Variants in CDH18 observed in about 807,000 individuals in gnomAD.
The protein encoded by CDH18 is cadherin 18.
A neutral mutation model predicts 67.9 loss-of-function variants in CDH18; 31 were observed. The ratio of observed to expected loss-of-function variants is 0.46; its 90% CI spans 0.34 to 0.62. CDH18 has a LOEUF of 0.62. Among genes scored for constraint, CDH18 ranks in the 20% least tolerant of loss-of-function variants. The probability of loss-of-function intolerance (pLI) is 0.01; values close to 1 mark genes in which losing one functional copy is unlikely to be tolerated. For missense variants in CDH18, 890 were observed against 975.5 expected, an observed-to-expected ratio of 0.91 and a Z score of 1.17; for synonymous variants, 362 against 347.2, an observed-to-expected ratio of 1.04 and a Z score of -0.48.
chr5:19,999,581 AAAAAG>A (rs1379556447), intron 2 of CDH18, among the ~76,000 whole-genome samples: 7 of 152,170 alleles, frequency 4.6e-5, no homozygotes, highest in Non-Finnish European at 1.0e-4. Context: ...CAGGCTGGGC[AAAAAG>A]AATGAAACTC....
chr5:19,527,599 T>A (rs982861706), intron 9 of CDH18, among the ~76,000 whole-genome samples: 9 of 151,778 alleles, frequency 5.9e-5, no homozygotes, highest in African/African-American at 2.2e-4. Flanking sequence ...TTCTGTGAAT[T>A]TTATGCAACA....
intron 1 of CDH18, among the ~76,000 whole-genome samples, chr5:20,463,721 G>A (rs971057900): frequency 3.3e-5 from 5 of 152,134 alleles, no homozygotes; most frequent in Admixed American, 6.6e-5. Context: ...CAGCCAAACC[G>A]TTAATACGGG....
At chr5:19,896,038 G>C (rs1789292201) in intron 2 of CDH18, among the ~76,000 whole-genome samples, 1 of 151,852 alleles carries the variant, frequency 6.6e-6, no homozygotes. Context: ...GGTCCTTGCA[G>C]ATATGGTTAA....
chr5:19,549,772 G>A (rs571049121), intron 8 of CDH18, among the ~76,000 whole-genome samples: 3 of 101,466 alleles, frequency 3.0e-5, no homozygotes, highest in South Asian at 3.2e-4. Context: ...GAAAAAGAAA[G>A]AAAGAAAGGA....
At chr5:19,598,512 A>G (rs1283069540) in intron 6 of CDH18, among the ~76,000 whole-genome samples, 15 of 152,174 alleles carry the variant, frequency 9.9e-5, no homozygotes, top group Admixed American at 9.8e-4. Context: ...AGAAGGACAT[A>G]GGAAACTGAA....
At chr5:20,304,599 T>A in intron 1 of CDH18, 1 of 1,612,072 alleles carries the variant, frequency 6.2e-7, no homozygotes, top group Admixed American at 1.7e-5. Context: ...CAGAGCTTAA[T>A]GAGCCCAAAA....
intron 2 of CDH18, among the ~76,000 whole-genome samples, chr5:20,156,562 T>C (rs939751877): frequency 2.0e-5 from 3 of 151,892 alleles, no homozygotes; most frequent in Admixed American, 2.0e-4. Flanking sequence ...TAATAGACAA[T>C]GGGGACTCCA....
At chr5:19,486,037 A>G (rs572667836) in intron 11 of CDH18, among the ~76,000 whole-genome samples, 9 of 152,322 alleles carry the variant, frequency 5.9e-5, no homozygotes, top group African/African-American at 2.2e-4. Context: ...AATCTCTAAG[A>G]CATAAGGACA....
At chr5:19,871,706 A>G (rs1215845241) in intron 2 of CDH18, among the ~76,000 whole-genome samples, 1 of 152,158 alleles carries the variant, frequency 6.6e-6, no homozygotes, top group Non-Finnish European at 1.5e-5. Context: ...GCTCTGAGGC[A>G]TGAATGTCTT....
chr5:20,022,553 C>A (rs2150435827), intron 2 of CDH18, among the ~76,000 whole-genome samples: 1 of 152,098 alleles, frequency 6.6e-6, no homozygotes, highest in East Asian at 1.9e-4. Flanking sequence ...TTAACTAGAC[C>A]AACATTTTTA....
chr5:19,574,544 T>A (rs1002661297), intron 7 of CDH18, among the ~76,000 whole-genome samples: 1 of 152,140 alleles, frequency 6.6e-6, no homozygotes, highest in African/African-American at 2.4e-5. Flanking sequence ...TATTTATGCC[T>A]GGATATTTTA....
chr5:20,108,119 C>T (rs990220874), intron 2 of CDH18, among the ~76,000 whole-genome samples: 2 of 152,000 alleles, frequency 1.3e-5, no homozygotes, highest in Admixed American at 1.3e-4. Context: ...CTTGCTCTGT[C>T]GCTCAGGCTG....
intron 8 of CDH18, among the ~76,000 whole-genome samples, chr5:19,559,459 T>G (rs1739043566): frequency 6.6e-6 from 1 of 152,052 alleles, no homozygotes; most frequent in East Asian, 1.9e-4. Context: ...TAAAAGCTTT[T>G]GAACAAAATC....
intron 3 of CDH18, among the ~76,000 whole-genome samples, chr5:19,763,813 T>C (rs1453801254): frequency 1.3e-5 from 2 of 151,624 alleles, no homozygotes; most frequent in Non-Finnish European, 1.5e-5. Flanking sequence ...AGGAAATAGA[T>C]GGAAAACAAA....
chr5:20,391,019 G>A (rs1744804106), intron 1 of CDH18, among the ~76,000 whole-genome samples: 1 of 151,934 alleles, frequency 6.6e-6, no homozygotes, highest in Non-Finnish European at 1.5e-5. Context: ...AGCATTTGGA[G>A]ATATACCTAA....
At chr5:19,523,689 T>C (rs1311754841) in intron 9 of CDH18, among the ~76,000 whole-genome samples, 1 of 152,106 alleles carries the variant, frequency 6.6e-6, no homozygotes, top group Non-Finnish European at 1.5e-5. Context: ...AAATGCTGGA[T>C]TGAATATAGA....
intron 2 of CDH18, among the ~76,000 whole-genome samples, chr5:19,925,454 T>A (rs910208204): frequency 1.3e-5 from 2 of 152,126 alleles, no homozygotes; most frequent in African/African-American, 4.8e-5. Flanking sequence ...GGAGACGAAC[T>A]CATCACATGG....
At chr5:20,145,868 A>G (rs982336303) in intron 2 of CDH18, among the ~76,000 whole-genome samples, 1 of 152,118 alleles carries the variant, frequency 6.6e-6, no homozygotes, top group African/African-American at 2.4e-5. Context: ...CAATTATATC[A>G]CCCTCACACA....
intron 2 of CDH18, among the ~76,000 whole-genome samples, chr5:20,182,110 G>C (rs1293796480): frequency 6.6e-6 from 1 of 152,038 alleles, no homozygotes; most frequent in African/African-American, 2.4e-5. Context: ...TGGCGAAAGT[G>C]GCATTTCACT....
Sources: gnomAD v4.1 joint callset for allele counts (sites outside exome capture counted in the v4.1 genomes callset) on GRCh38, gnomAD v4.1.1 for gene constraint, MANE v1.5 for transcripts, NCBI Gene and HGNC (gene_info 2026-07-23, HGNC 2026-07-21) for gene names.